The following WDR70 variants were observed in gnomAD, a reference collection of about 807,000 sequenced individuals.
WDR70 encodes WD repeat domain 70.
A neutral mutation model predicts 88.6 loss-of-function variants in WDR70; 53 were observed. That is an observed-to-expected ratio of 0.60 (90% CI 0.48 to 0.75). WDR70 has a LOEUF of 0.75. Ranked by LOEUF, WDR70 falls within the 30% of genes least tolerant of loss-of-function variation. The probability of loss-of-function intolerance (pLI) is 0.00; values close to 1 mark genes in which losing one functional copy is unlikely to be tolerated. For synonymous variants in WDR70, 280 were observed against 270.0 expected, an observed-to-expected ratio of 1.04 and a Z score of -0.36; for missense variants, 610 against 823.2, an observed-to-expected ratio of 0.74 and a Z score of 3.17.
chr5:37,645,293 C>G (rs765672048), intron 10 of WDR70, among the ~76,000 whole-genome samples: 1 of 151,638 alleles, frequency 6.6e-6, no homozygotes, highest in African/African-American at 2.4e-5. Context: ...GCATTTGTAT[C>G]ATTTCCAAAT....
At chr5:37,729,759 C>A (rs773784971) in intron 17 of WDR70, among the ~76,000 whole-genome samples, 1 of 152,028 alleles carries the variant, frequency 6.6e-6, no homozygotes, top group Non-Finnish European at 1.5e-5. Flanking sequence ...GTTTTCTTCA[C>A]GTTCTGTTTA....
chr5:37,688,971 C>T (rs1012654993), intron 10 of WDR70, among the ~76,000 whole-genome samples: 13 of 152,284 alleles, frequency 8.5e-5, no homozygotes, highest in Non-Finnish European at 1.8e-4. Context: ...AAAAATGAGA[C>T]ACTGCTGCCC....
At chr5:37,448,289 C>T (rs985043928) in intron 7 of WDR70, among the ~76,000 whole-genome samples, 6 of 152,140 alleles carry the variant, frequency 3.9e-5, no homozygotes, top group African/African-American at 1.4e-4. Context: ...GTTTCTGGCA[C>T]AACATGATGT....
chr5:37,602,740 A>T (rs1035791652), intron 9 of WDR70, among the ~76,000 whole-genome samples: 5 of 152,100 alleles, frequency 3.3e-5, no homozygotes, highest in Admixed American at 2.6e-4. Context: ...GCACTTTGAG[A>T]GGCCGAAGCG....
chr5:37,437,392 A>C (rs1301033843), intron 5 of WDR70, among the ~76,000 whole-genome samples: 1 of 152,150 alleles, frequency 6.6e-6, no homozygotes, highest in Non-Finnish European at 1.5e-5. Flanking sequence ...AGAACTTAAA[A>C]AATTTTTGAT....
At position 37,517,907 on chromosome 5, in the gene WDR70, T is replaced by C. The variant is rs7732027; in HGVS notation, c.917+1317T>C. Among the ~76,000 whole-genome samples the C allele has an allele frequency of 2.0e-5, 3 of 148,056 alleles. No individual in the cohort carries two copies. The East Asian group carries it at 5.8e-4, about 29-fold the overall frequency. On this transcript the variant is annotated intron_variant, in intron 9 of 17. Transcript: ENST00000265107. ...TATTTATTTATTATATTATTTATTT[T>C]ATTTATTATATTATTTATTTTTTTG...
At chr5:37,711,885 G>A (rs1747521134) in intron 13 of WDR70, among the ~76,000 whole-genome samples, 1 of 151,524 alleles carries the variant, frequency 6.6e-6, no homozygotes, top group African/African-American at 2.4e-5. Flanking sequence ...ATTCTTGTTG[G>A]GACTAACTGT....
At chr5:37,441,798 A>G (rs1309191958) in intron 6 of WDR70, among the ~76,000 whole-genome samples, 1 of 152,162 alleles carries the variant, frequency 6.6e-6, no homozygotes, top group African/African-American at 2.4e-5. Context: ...AGCCTGGATG[A>G]CAGAGTGAGA....
intron 7 of WDR70, among the ~76,000 whole-genome samples, chr5:37,471,735 TA>T (rs1739331891): frequency 6.6e-6 from 1 of 152,018 alleles, no homozygotes; most frequent in Non-Finnish European, 1.5e-5. Flanking sequence ...ATATTACTTT[TA>T]AAAGTTAATA....
intron 17 of WDR70, among the ~76,000 whole-genome samples, chr5:37,732,963 T>G (rs1209546413): frequency 6.6e-6 from 1 of 152,098 alleles, no homozygotes; most frequent in Non-Finnish European, 1.5e-5. Flanking sequence ...TTTATGGATT[T>G]TTTTTTAGAG....
intron 13 of WDR70, among the ~76,000 whole-genome samples, chr5:37,705,625 C>T (rs1013704067): frequency 2.0e-5 from 3 of 151,038 alleles, no homozygotes; most frequent in African/African-American, 7.3e-5. Flanking sequence ...CCAAGTTTTA[C>T]GTCTTCTTGG....
chr5:37,455,446 T>A (rs962547722), intron 7 of WDR70, among the ~76,000 whole-genome samples: 1 of 151,514 alleles, frequency 6.6e-6, no homozygotes, highest in Admixed American at 6.6e-5. Flanking sequence ...TTCACCATGT[T>A]GGCCAGGCTG....
intron 5 of WDR70, among the ~76,000 whole-genome samples, chr5:37,397,312 C>A (rs528086237): frequency 6.6e-6 from 1 of 152,054 alleles, no homozygotes; most frequent in Non-Finnish European, 1.5e-5. Context: ...TTTGTTAAAT[C>A]TACGTATGCG....
rs866872619 is a variant in WDR70 at position 37,429,984 on chromosome 5, A to G, written c.493-7938A>G. ...AAGTTTTCCAATCCATAAACATTAT[A>G]TATCTTTCCATTTATTTTAAGTTCT... On this transcript the variant is annotated intron_variant, in intron 5 of 17. Coordinates refer to ENST00000265107, the MANE Select transcript of WDR70 (RefSeq NM_018034.4). 9.2e-5 allele frequency among the ~76,000 whole-genome samples: 14 copies of G among 152,352 alleles called. No homozygotes were observed. The South Asian group carries it at 1.2e-3, about 14-fold the overall frequency.
At chr5:37,660,576 A>G (rs1561055910) in intron 10 of WDR70, among the ~76,000 whole-genome samples, 1 of 151,616 alleles carries the variant, frequency 6.6e-6, no homozygotes, top group African/African-American at 2.4e-5. Flanking sequence ...AACATTTCTT[A>G]TTCTTTAGAG....
At chr5:37,751,828 C>T (rs776523632) in intron 17 of WDR70, among the ~76,000 whole-genome samples, 10 of 152,118 alleles carry the variant, frequency 6.6e-5, no homozygotes, top group Non-Finnish European at 1.0e-4. Flanking sequence ...GGTATGTTTA[C>T]GAAGCACAGA....
At chr5:37,483,107 T>G (rs1407696035) in intron 8 of WDR70, among the ~76,000 whole-genome samples, 22 of 151,086 alleles carry the variant, frequency 1.5e-4, no homozygotes, top group Non-Finnish European at 2.2e-4. Context: ...CTCAGTTTTT[T>G]TTTTTTTTTT....
At chr5:37,614,197 A>G (rs1308207147) in intron 10 of WDR70, among the ~76,000 whole-genome samples, 3 of 152,156 alleles carry the variant, frequency 2.0e-5, no homozygotes, top group Non-Finnish European at 2.9e-5. Context: ...TCCAGTTTCT[A>G]GAGGCCGCCC....
intron 7 of WDR70, among the ~76,000 whole-genome samples, chr5:37,462,999 C>T (rs933823995): frequency 7.9e-5 from 12 of 152,020 alleles, no homozygotes; most frequent in Non-Finnish European, 7.4e-5. Flanking sequence ...TAAGGCCAGG[C>T]GTGGTGGCTC....
Sources: allele counts gnomAD v4.1 joint callset (sites outside exome capture counted in the v4.1 genomes callset), GRCh38; gene constraint gnomAD v4.1.1; transcripts MANE v1.5; gene names NCBI Gene and HGNC (gene_info 2026-07-23, HGNC 2026-07-21).